TSHZ3: variants seen among roughly 807,000 people sequenced by gnomAD.
The protein encoded by TSHZ3 is teashirt zinc finger homeobox 3.
In TSHZ3, 10 loss-of-function variants were observed where a neutral mutation model predicts 64.5. The observed-to-expected ratio is 0.16, with a 90% CI of 0.10 to 0.26. The LOEUF (loss-of-function observed/expected upper bound fraction) is 0.26, where lower values mean the gene tolerates loss of function less well. Ranked by LOEUF, TSHZ3 falls within the 10% of genes least tolerant of loss-of-function variation. The pLI is 1.00. For synonymous variants in TSHZ3, 608 were observed against 593.1 expected (o/e 1.03, Z -0.36); for missense variants, 1,242 against 1,421.7 (o/e 0.87, Z 2.03).
At chr19:31,311,065 TGG>T (rs1162312386) in intron 1 of TSHZ3, among the ~76,000 whole-genome samples, 3 of 152,180 alleles carry the variant, frequency 2.0e-5, no homozygotes, top group Non-Finnish European at 4.4e-5. Flanking sequence ...TGGTGCCACC[TGG>T]TAAGGTGGCA....
intron 5 of TSHZ3, among the ~76,000 whole-genome samples, chr19:31,197,802 A>T (rs561424956): frequency 1.3e-5 from 2 of 152,136 alleles, no homozygotes; most frequent in East Asian, 3.9e-4. Context: ...AATTGAATCA[A>T]TATTTAATAA....
chr19:31,167,435 G>A (rs1325138907), intron 5 of TSHZ3: 1 of 152,172 alleles, frequency 6.6e-6, no homozygotes, highest in Non-Finnish European at 1.5e-5. Flanking sequence ...CCATGGTGAG[G>A]TTGCAGACCT....
Position 31,279,483 on chromosome 19 carries a change from C to T in TSHZ3, c.310G>A (p.Val104Ile). 6.2e-7 allele frequency: 1 copy of T among 1,614,166 alleles called. No homozygotes were observed. Among genetic ancestry groups the T allele is most frequent in the East Asian group, 2.2e-5 (1 of 44,880 alleles). ...GACACAGTCGTGTCTTCCAGTGGGACCGTGACCTCCTTGGTCTCCTCTTCG... is the reference window on the plus strand; with the variant it reads ...GACACAGTCGTGTCTTCCAGTGGGATCGTGACCTCCTTGGTCTCCTCTTCG... ...KNEEETKEVT[V>I]PLEDTTVSDS... is the part of the protein sequence containing the mutation. Residue 104 changes from valine to isoleucine, a missense_variant, in exon 2 of 2, where the codon GTC (valine) becomes ATC (isoleucine). Val to Ile is a conservative substitution (Grantham distance 29). Around this residue, in one of 4 missense-constraint regions of TSHZ3, gnomAD observed 555 missense variants for 704.0 expected, o/e 0.79. Transcript: ENST00000240587. This position sits in a 1 kb window ranked among gnomAD's most constrained non-coding sequence, Gnocchi z 6.4.
intron 1 of TSHZ3, among the ~76,000 whole-genome samples, chr19:31,327,027 T>G (rs1599650577): frequency 6.6e-6 from 1 of 152,240 alleles, no homozygotes; most frequent in East Asian, 1.9e-4. Flanking sequence ...TAGACTCTCC[T>G]TCCTTACAGC....
At chr19:31,345,883 T>C (rs894579080) in intron 1 of TSHZ3, among the ~76,000 whole-genome samples, 4 of 152,212 alleles carry the variant, frequency 2.6e-5, no homozygotes, top group African/African-American at 9.6e-5. Flanking sequence ...TCATTTTGCC[T>C]GAAGGACACT....
chr19:31,272,354 C>T (rs552096646), downstream of TSHZ3, among the ~76,000 whole-genome samples: 1 of 152,326 alleles, frequency 6.6e-6, no homozygotes, highest in South Asian at 2.1e-4. Context: ...GAAGGAACCA[C>T]AGAGACTGCC....
chr19:31,282,300 AGT>A (rs754020987), intron 1 of TSHZ3, among the ~76,000 whole-genome samples: 6 of 152,150 alleles, frequency 3.9e-5, no homozygotes, highest in Non-Finnish European at 7.3e-5. Flanking sequence ...TTGGAGCCAC[AGT>A]CTGCAATACA....
chr19:31,199,639 G>A (rs903086320), intron 5 of TSHZ3, among the ~76,000 whole-genome samples: 1 of 149,756 alleles, frequency 6.7e-6, no homozygotes, highest in Non-Finnish European at 1.5e-5. Flanking sequence ...GGAGAAAATC[G>A]AAATGACCTA....
chr19:31,278,414 G>T lies in TSHZ3; in HGVS notation c.1379C>A (p.Ala460Asp). The change falls in exon 2 of 2, where the codon GCC (alanine) becomes GAC (aspartate). Residue 460 changes from alanine (A) to aspartate (D), a missense_variant. By Grantham distance (126) the Ala-to-Asp change is moderately radical. This residue lies in a region of TSHZ3 where 555 missense variants were observed against 704.0 expected (regional missense o/e 0.79). Coordinates refer to ENST00000240587, the MANE Select transcript of TSHZ3 (RefSeq NM_020856.4). The surrounding 1 kb of genome is among the most constrained non-coding windows in gnomAD (Gnocchi z 4.7). Reference protein sequence around the residue: ...TTFTSPSNTPASISPKLNVEV... With the variant: ...TTFTSPSNTPDSISPKLNVEV... ...CACATTCAGTTTTGGGGAGATGCTG[G>T]CAGGTGTATTGGAGGGGGACGTGAA... 6.2e-7 allele frequency: 1 copy of T among 1,614,124 alleles called. No homozygotes were observed. The highest frequency in any genetic ancestry group is 8.5e-7 in the Non-Finnish European group (1 of 1,180,038).
chr19:31,317,581 C>G (rs1033628326), intron 1 of TSHZ3, among the ~76,000 whole-genome samples: 1 of 152,174 alleles, frequency 6.6e-6, no homozygotes, highest in Non-Finnish European at 1.5e-5. Context: ...AGACTCAAGA[C>G]AAAGGAAGGA....
intron 1 of TSHZ3, among the ~76,000 whole-genome samples, chr19:31,337,698 C>T (rs1017021125): frequency 8.3e-5 from 12 of 144,848 alleles, no homozygotes; most frequent in African/African-American, 3.0e-4. Flanking sequence ...TGTTAGGCTG[C>T]GAATAAAGTT....
intron 5 of TSHZ3, among the ~76,000 whole-genome samples, chr19:31,200,385 T>G (rs906691600): frequency 2.0e-5 from 3 of 152,094 alleles, no homozygotes; most frequent in Non-Finnish European, 4.4e-5. Flanking sequence ...CTTTGGAATA[T>G]CATTCAAGGC....
chr19:31,278,296 G>A lies in TSHZ3; in HGVS notation c.1497C>T (p.Asp499=), dbSNP rs1976290096. 8 of 1,614,244 alleles carry A rather than the reference G, an allele frequency of 5.0e-6. No individual in the cohort carries two copies. The East Asian group carries it at 6.7e-5, about 13-fold the overall frequency. ...TCAAGTAATGGTATTTGGAAGAGAT[G>A]TCACACTTCTCCTCTTCTTCGCCAG... ...DKPGEEEEKC[D]ISSKYHYLTE... is the part of the protein sequence containing the mutation. Residue 499 remains aspartate, a synonymous_variant, in exon 2 of 2, where the codon GAC becomes GAT. Transcript: ENST00000240587. The surrounding 1 kb of genome is among the most constrained non-coding windows in gnomAD (Gnocchi z 4.7).
chr19:31,246,956 A>T (rs188676818), intron 1 of TSHZ3, among the ~76,000 whole-genome samples: 2 of 152,348 alleles, frequency 1.3e-5, no homozygotes, highest in African/African-American at 4.8e-5. Flanking sequence ...CAAATTTAGC[A>T]CAAAAATAAA....
rs1465900081 is a variant in TSHZ3 at position 31,277,180 on chromosome 19, C to T, written c.2613G>A (p.Lys871=). Residue 871 remains lysine (K), a synonymous_variant, in exon 2 of 2, where the codon AAG becomes AAA. Coordinates refer to ENST00000240587, the MANE Select transcript of TSHZ3 (RefSeq NM_020856.4). The surrounding 1 kb of genome is among the most constrained non-coding windows in gnomAD (Gnocchi z 4.5). ...KSSTPSSISE[K]SDIDGATLEE... ...CCAGAGTGGCCCCGTCAATGTCAGA[C>T]TTCTCGGAGATGCTGGAAGGAGTGG... is the stretch of plus-strand genomic sequence containing the variant. 2.5e-6 allele frequency: 4 copies of T among 1,614,130 alleles called. No homozygotes were observed. Among genetic ancestry groups the T allele is most frequent in the Non-Finnish European group, 3.4e-6 (4 of 1,179,994 alleles).
chr19:31,312,758 T>C (rs1365703731), intron 1 of TSHZ3, among the ~76,000 whole-genome samples: 1 of 152,188 alleles, frequency 6.6e-6, no homozygotes, highest in Non-Finnish European at 1.5e-5. Flanking sequence ...TTTTTCCCTC[T>C]GATTGCTTCA....
In TSHZ3 at chr19:31,277,195, G is replaced by C; in HGVS notation, c.2598C>G (p.Ser866=). 6.2e-7 allele frequency: 1 copy of C among 1,614,204 alleles called. No homozygotes were observed. The highest frequency in any genetic ancestry group is 8.5e-7 in the Non-Finnish European group (1 of 1,180,038). ...CAATGTCAGACTTCTCGGAGATGCT[G>C]GAAGGAGTGGAGGATTTTGACGTGT... ...ESHTSKSSTP[S]SISEKSDIDG... is the part of the protein sequence containing the mutation. The change falls in exon 2 of 2, where the codon TCC becomes TCG. Residue 866 remains serine (S), a synonymous_variant. Coordinates refer to ENST00000240587, the MANE Select transcript of TSHZ3 (RefSeq NM_020856.4). The surrounding 1 kb of genome is among the most constrained non-coding windows in gnomAD (Gnocchi z 4.5).
intron 5 of TSHZ3, among the ~76,000 whole-genome samples, chr19:31,193,083 T>C (rs548762649): frequency 6.6e-6 from 1 of 152,170 alleles, no homozygotes; most frequent in Non-Finnish European, 1.5e-5. Context: ...GGAGGCCTCA[T>C]GTTGCTGATG....
At chr19:31,283,195 A>ATGG (rs2145120163) in intron 1 of TSHZ3, among the ~76,000 whole-genome samples, 1 of 152,232 alleles carries the variant, frequency 6.6e-6, no homozygotes, top group East Asian at 1.9e-4. Context: ...TTAGCCAGAC[A>ATGG]TGGTGGCACA....
Sources: gnomAD v4.1 joint callset for allele counts (sites outside exome capture counted in the v4.1 genomes callset) on GRCh38, gnomAD v4.1.1 for gene constraint, gnomAD v4.1.1 regional missense constraint, Gnocchi (gnomAD v3.1) non-coding constraint, MANE v1.5 for transcripts, NCBI Gene and HGNC (gene_info 2026-07-23, HGNC 2026-07-21) for gene names.